RARB: variants seen among roughly 807,000 people sequenced by gnomAD.
RARB encodes the protein HBV-activated protein.
Under a neutral mutation model 51.9 loss-of-function variants are expected in RARB, and 17 were observed. That is an observed-to-expected ratio of 0.33 (90% CI 0.22 to 0.49). The LOEUF (loss-of-function observed/expected upper bound fraction) is 0.49, where lower values mean the gene tolerates loss of function less well. RARB is among the 20% of genes least tolerant of loss of function. The pLI is 0.99. For synonymous variants in RARB, 215 were observed against 195.4 expected, an observed-to-expected ratio of 1.10 and a Z score of -0.84; for missense variants, 369 against 550.8, an observed-to-expected ratio of 0.67 and a Z score of 3.30.
At chr3:25,161,947 C>T (rs1251034967) in intron 4 of RARB, among the ~76,000 whole-genome samples, 1 of 152,006 alleles carries the variant, frequency 6.6e-6, no homozygotes, top group Non-Finnish European at 1.5e-5. Context: ...GACCCTGTGC[C>T]CAGGGTACAG....
intron 5 of RARB, among the ~76,000 whole-genome samples, chr3:25,202,590 C>G (rs146308301): frequency 2.0e-5 from 3 of 152,286 alleles, no homozygotes; most frequent in African/African-American, 7.2e-5. Flanking sequence ...AAATTTCCCT[C>G]TACACACGGC....
At chr3:25,514,081 T>A (rs1418291051) in intron 3 of RARB, among the ~76,000 whole-genome samples, 1 of 152,188 alleles carries the variant, frequency 6.6e-6, no homozygotes, top group African/African-American at 2.4e-5. Context: ...CAACCTGAAA[T>A]TCTCCTGCAG....
intron 2 of RARB, among the ~76,000 whole-genome samples, chr3:25,032,259 C>T (rs1331476597): frequency 1.3e-5 from 2 of 152,158 alleles, no homozygotes; most frequent in Non-Finnish European, 1.5e-5. Flanking sequence ...AATTAAGTCA[C>T]GGGCTGCATA....
chr3:25,084,971 A>G (rs1025565215), intron 3 of RARB, among the ~76,000 whole-genome samples: 1 of 152,176 alleles, frequency 6.6e-6, no homozygotes, highest in Non-Finnish European at 1.5e-5. Context: ...AGCATGACAG[A>G]CAAGTCATTT....
chr3:25,147,834 C>T (rs767823), intron 4 of RARB, among the ~76,000 whole-genome samples: 93,758 of 152,064 alleles, frequency 0.62, 29,103 homozygotes, highest in East Asian at 0.71. Flanking sequence ...CTGCACCATC[C>T]CTTCAATAAA....
intron 5 of RARB, among the ~76,000 whole-genome samples, chr3:25,262,382 A>C (rs893164695): frequency 6.6e-6 from 1 of 152,178 alleles, no homozygotes; most frequent in Non-Finnish European, 1.5e-5. Context: ...CTGCTATAAC[A>C]AATTCCCACA....
chr3:25,359,476 C>T (rs1199221671), intron 5 of RARB, among the ~76,000 whole-genome samples: 1 of 151,368 alleles, frequency 6.6e-6, no homozygotes, highest in Non-Finnish European at 1.5e-5. Context: ...CTGTCTCTTT[C>T]AGTTCTGCTC....
chr3:24,876,282 A>G (rs1703041235), intron 2 of RARB, among the ~76,000 whole-genome samples: 1 of 152,154 alleles, frequency 6.6e-6, no homozygotes, highest in African/African-American at 2.4e-5. Context: ...TGCTAATTTT[A>G]GTATCCATTG....
intron 3 of RARB, among the ~76,000 whole-genome samples, chr3:25,541,551 G>T (rs1187562592): frequency 6.6e-6 from 1 of 152,126 alleles, no homozygotes; most frequent in African/African-American, 2.4e-5. Flanking sequence ...GCATCATCTT[G>T]CAGAAAAGAC....
chr3:24,892,182 A>G (rs546375606), intron 2 of RARB, among the ~76,000 whole-genome samples: 7 of 151,300 alleles, frequency 4.6e-5, no homozygotes, highest in Non-Finnish European at 1.0e-4. Flanking sequence ...CCAGGGAAGT[A>G]GAAAGGCCAT....
At chr3:25,290,456 G>A (rs1172995621) in intron 5 of RARB, among the ~76,000 whole-genome samples, 3 of 152,120 alleles carry the variant, frequency 2.0e-5, no homozygotes, top group Non-Finnish European at 2.9e-5. Context: ...GATTTCTGTT[G>A]TTTAAACCAC....
intron 5 of RARB, among the ~76,000 whole-genome samples, chr3:25,251,124 C>T (rs1355538082): frequency 6.6e-6 from 1 of 152,094 alleles, no homozygotes; most frequent in Admixed American, 6.5e-5. Flanking sequence ...TATTCAGCCA[C>T]CTTGAATATG....
chr3:25,496,342 T>A (rs139861467), intron 2 of RARB, among the ~76,000 whole-genome samples: 279 of 152,320 alleles, frequency 1.8e-3, no homozygotes, highest in African/African-American at 6.3e-3. Flanking sequence ...CTTCCCTTCC[T>A]CCATCCAACT....
chr3:24,922,163 T>C (rs1663671294), intron 2 of RARB, among the ~76,000 whole-genome samples: 1 of 152,188 alleles, frequency 6.6e-6, no homozygotes, highest in South Asian at 2.1e-4. Flanking sequence ...ACACAAGCTG[T>C]AGCATTCAAC....
chr3:25,372,187 C>A (rs1706320061), intron 5 of RARB, among the ~76,000 whole-genome samples: 1 of 152,210 alleles, frequency 6.6e-6, no homozygotes, highest in African/African-American at 2.4e-5. Flanking sequence ...GGTCAGATTT[C>A]CATTTAAATG....
At chr3:24,883,883 T>C (rs998579491) in intron 2 of RARB, among the ~76,000 whole-genome samples, 4 of 152,178 alleles carry the variant, frequency 2.6e-5, no homozygotes, top group Non-Finnish European at 4.4e-5. Context: ...TTTATATCTA[T>C]GTATCATATC....
intron 2 of RARB, among the ~76,000 whole-genome samples, chr3:25,015,108 A>G (rs939094294): frequency 6.6e-6 from 1 of 152,176 alleles, no homozygotes; most frequent in African/African-American, 2.4e-5. Context: ...GTGTCTGTGT[A>G]TAAGATGAAG....
At chr3:24,949,779 A>C (rs1338829670) in intron 2 of RARB, among the ~76,000 whole-genome samples, 1 of 152,212 alleles carries the variant, frequency 6.6e-6, no homozygotes, top group African/African-American at 2.4e-5. Context: ...TTAATTCCAA[A>C]AGCTAGTTTA....
At chr3:24,852,641 A>T (rs999084302) in intron 1 of RARB, among the ~76,000 whole-genome samples, 1 of 152,252 alleles carries the variant, frequency 6.6e-6, no homozygotes, top group Non-Finnish European at 1.5e-5. Flanking sequence ...ATTGTGATAT[A>T]TCTATACAAT....
Sources: allele counts gnomAD v4.1 joint callset (sites outside exome capture counted in the v4.1 genomes callset), GRCh38; gene constraint gnomAD v4.1.1; transcripts MANE v1.5; gene names NCBI Gene and HGNC (gene_info 2026-07-23, HGNC 2026-07-21).